Variants in SLC24A3 observed in about 807,000 individuals in gnomAD.
SLC24A3 encodes the protein sodium/potassium/calcium exchanger 3.
A neutral mutation model predicts 75.8 loss-of-function variants in SLC24A3; 28 were observed. The ratio of observed to expected loss-of-function variants is 0.37; its 90% CI spans 0.27 to 0.51. The LOEUF is 0.51. Among genes scored for constraint, SLC24A3 ranks in the 20% least tolerant of loss-of-function variants. The pLI, the probability that SLC24A3 is intolerant of heterozygous loss-of-function variation, is 0.94. For synonymous variants in SLC24A3, 372 were observed against 334.1 expected (o/e 1.11, Z -1.24); for missense variants, 663 against 847.8 (o/e 0.78, Z 2.71).
intron 1 of SLC24A3, among the ~76,000 whole-genome samples, chr20:19,233,066 T>A (rs777248220): frequency 2.6e-5 from 4 of 152,260 alleles, no homozygotes; most frequent in Non-Finnish European, 5.9e-5. Context: ...ATCTTGTTTT[T>A]CTTATCTTCT....
intron 2 of SLC24A3, among the ~76,000 whole-genome samples, chr20:19,305,566 A>G (rs1051699104): frequency 1.3e-5 from 2 of 152,044 alleles, no homozygotes; most frequent in East Asian, 1.9e-4. Context: ...TGATCTCATG[A>G]CACATAGACC....
At chr20:19,267,621 A>T (rs1454857745) in intron 1 of SLC24A3, among the ~76,000 whole-genome samples, 1 of 152,186 alleles carries the variant, frequency 6.6e-6, no homozygotes, top group Non-Finnish European at 1.5e-5. Context: ...TTGATTCCAA[A>T]TTTTTAAGTG....
rs371369764 is a variant in SLC24A3 at position 19,363,768 on chromosome 20, G to A, written c.271+82681G>A. ...ATTTTGTATTGGATGTTTTAAAAAAGCAAAGGATTTTTTTCTTTGTATGTT... is the reference window on the plus strand; with the variant it reads ...ATTTTGTATTGGATGTTTTAAAAAAACAAAGGATTTTTTTCTTTGTATGTT... On this transcript the variant is annotated intron_variant, in intron 2 of 16. Transcript: ENST00000328041. 2.4e-3 allele frequency among the ~76,000 whole-genome samples: 364 copies of A among 152,266 alleles called. 7 individuals are homozygous for A. Among genetic ancestry groups the A allele is most frequent in the South Asian group, 0.02 (98 of 4,826 alleles).
intron 3 of SLC24A3, among the ~76,000 whole-genome samples, chr20:19,536,815 C>G (rs1380371036): frequency 6.6e-6 from 1 of 152,068 alleles, no homozygotes; most frequent in Non-Finnish European, 1.5e-5. Context: ...GGAAAACTGG[C>G]TAGCCATATG....
intron 3 of SLC24A3, among the ~76,000 whole-genome samples, chr20:19,558,437 A>T (rs2030823659): frequency 2.0e-5 from 3 of 152,074 alleles, no homozygotes; most frequent in Admixed American, 2.0e-4. Context: ...AATTATCAAG[A>T]TCACAAATTT....
chr20:19,695,726 G>T lies in SLC24A3; in HGVS notation c.1492-1071G>T, dbSNP rs541167117. 101 of 152,226 alleles carry T rather than the reference G, an allele frequency of 6.6e-4. 1 individual carries two copies. Among genetic ancestry groups the T allele is most frequent in the African/African-American group, 2.3e-3 (94 of 41,534 alleles). The allele number at this position is 152,226 out of a possible 1,614,324, so 9.4% of individuals were successfully genotyped here. On this transcript the variant is annotated intron_variant, in intron 13 of 16. Transcript: ENST00000328041. ...GGCCTTCCTGTTTTTCAGTCTCCAG[G>T]GAGGAAATTGAGATGTAGAAACACA... is the stretch of plus-strand genomic sequence containing the variant.
chr20:19,375,056 T>C (rs960947791), intron 2 of SLC24A3, among the ~76,000 whole-genome samples: 2 of 152,144 alleles, frequency 1.3e-5, no homozygotes, highest in East Asian at 1.9e-4. Context: ...TCATGCCTCA[T>C]TGGCTGGTGT....
At chr20:19,279,146 C>A (rs1983580243) in intron 1 of SLC24A3, among the ~76,000 whole-genome samples, 1 of 152,212 alleles carries the variant, frequency 6.6e-6, no homozygotes, top group South Asian at 2.1e-4. Flanking sequence ...GAAACTGAAT[C>A]ACTGTGGAAG....
At chr20:19,610,978 A>G (rs1300762643) in intron 6 of SLC24A3, among the ~76,000 whole-genome samples, 1 of 152,248 alleles carries the variant, frequency 6.6e-6, no homozygotes, top group Non-Finnish European at 1.5e-5. Context: ...AACCAGCTGT[A>G]TCTGCCACAC....
intron 6 of SLC24A3, among the ~76,000 whole-genome samples, chr20:19,630,656 T>C (rs2122685926): frequency 6.6e-6 from 1 of 152,350 alleles, no homozygotes; most frequent in East Asian, 1.9e-4. Flanking sequence ...CTTTTCCAAT[T>C]GACTCAGCAA....
At chr20:19,313,028 C>CTTT (rs747623530) in intron 2 of SLC24A3, among the ~76,000 whole-genome samples, 4,381 of 68,332 alleles carry the variant, frequency 0.064, 680 homozygotes, top group East Asian at 0.24. Context: ...TTTTCTCTTG[C>CTTT]TTTTTTTTTT....
chr20:19,313,701 T>C (rs570649533), intron 2 of SLC24A3, among the ~76,000 whole-genome samples: 3 of 152,394 alleles, frequency 2.0e-5, no homozygotes, highest in African/African-American at 7.2e-5. Flanking sequence ...TACAGTAATC[T>C]GGCTGCTGAT....
At chr20:19,484,765 C>T (rs1988105273) in intron 2 of SLC24A3, among the ~76,000 whole-genome samples, 1 of 151,996 alleles carries the variant, frequency 6.6e-6, no homozygotes, top group Admixed American at 6.5e-5. Flanking sequence ...AGTGGCTGCG[C>T]AAACAACATG....
At chr20:19,451,906 C>T (rs1381365883) in intron 2 of SLC24A3, among the ~76,000 whole-genome samples, 1 of 152,140 alleles carries the variant, frequency 6.6e-6, no homozygotes, top group Non-Finnish European at 1.5e-5. Context: ...GCTTTCAGCC[C>T]CAATAAAGTG....
chr20:19,310,450 A>G (rs1984432729), intron 2 of SLC24A3, among the ~76,000 whole-genome samples: 1 of 152,344 alleles, frequency 6.6e-6, no homozygotes, highest in Non-Finnish European at 1.5e-5. Context: ...ATGAAATAAA[A>G]ATCAATAAGG....
intron 2 of SLC24A3, among the ~76,000 whole-genome samples, chr20:19,391,782 A>C (rs2122389777): frequency 6.6e-6 from 1 of 152,298 alleles, no homozygotes; most frequent in East Asian, 1.9e-4. Flanking sequence ...TGTCTGGAAA[A>C]GTCTCACAGA....
At chr20:19,280,012 T>C (rs1488971160) in intron 1 of SLC24A3, among the ~76,000 whole-genome samples, 2 of 152,288 alleles carry the variant, frequency 1.3e-5, no homozygotes, top group African/African-American at 2.4e-5. Context: ...AAATGCTTTG[T>C]GGTACTGTAA....
intron 6 of SLC24A3, among the ~76,000 whole-genome samples, chr20:19,640,224 G>A (rs2032060069): frequency 6.6e-6 from 1 of 152,230 alleles, no homozygotes; most frequent in Admixed American, 6.5e-5. Context: ...GCACAAGTGT[G>A]TCATTTTTTT....
intron 1 of SLC24A3, among the ~76,000 whole-genome samples, chr20:19,234,713 G>A (rs1982114774): frequency 6.6e-6 from 1 of 152,196 alleles, no homozygotes; most frequent in Non-Finnish European, 1.5e-5. Flanking sequence ...CTGAAGAAAT[G>A]AGGCCATGAG....
Sources: allele counts gnomAD v4.1 joint callset (sites outside exome capture counted in the v4.1 genomes callset), GRCh38; gene constraint gnomAD v4.1.1; transcripts MANE v1.5; gene names NCBI Gene and HGNC (gene_info 2026-07-23, HGNC 2026-07-21).